PHACTR2: variants seen among roughly 807,000 people sequenced by gnomAD.
PHACTR2 encodes phosphatase and actin regulator 2.
Under a neutral mutation model 76.0 loss-of-function variants are expected in PHACTR2, and 30 were observed. That is an observed-to-expected ratio of 0.39 (90% CI 0.30 to 0.54). The LOEUF is 0.54. Among genes scored for constraint, PHACTR2 ranks in the 20% least tolerant of loss-of-function variants. PHACTR2 has a pLI of 0.61. For synonymous variants in PHACTR2, 292 were observed against 292.5 expected, an observed-to-expected ratio of 1.00 and a Z score of 0.02; for missense variants, 696 against 781.1, an observed-to-expected ratio of 0.89 and a Z score of 1.30.
Position 143,698,012 on chromosome 6 carries a change from A to T in PHACTR2, c.47-14004A>T, listed in dbSNP as rs1389338721. ...AATCATTTTTATGGTTTCTGAAAACATTGGTGAATTGCAACTGGCTATTCT... is the reference window on the plus strand; with the variant it reads ...AATCATTTTTATGGTTTCTGAAAACTTTGGTGAATTGCAACTGGCTATTCT... On this transcript the variant is annotated intron_variant, in intron 1 of 12. Coordinates refer to ENST00000440869, the MANE Select transcript of PHACTR2 (RefSeq NM_001100164.2). The surrounding 1 kb of genome is among the most constrained non-coding windows in gnomAD (Gnocchi z 4.3). Among the ~76,000 whole-genome samples the T allele has an allele frequency of 2.6e-5, 4 of 152,272 alleles. No individual in the cohort carries two copies.
At position 143,689,696 on chromosome 6, in the gene PHACTR2, C is replaced by CTT. The variant is rs35628481; in HGVS notation, c.46+11500_46+11501dup. On this transcript the variant is annotated intron_variant, in intron 1 of 12. Coordinates refer to ENST00000440869, the MANE Select transcript of PHACTR2 (RefSeq NM_001100164.2). This position sits in a 1 kb window ranked among gnomAD's most constrained non-coding sequence, Gnocchi z 4.4. ...TTCCCATTTTCTCATCTTCTCAAGT[C>CTT]TTTTTTTTTTTTTTGAGATGGAGTG... is the stretch of plus-strand genomic sequence containing the variant. 0.062 allele frequency among the ~76,000 whole-genome samples: 8,709 copies of CTT among 139,400 alleles called. 519 individuals are homozygous for CTT. Among genetic ancestry groups the CTT allele is most frequent in the African/African-American group, 0.15 (5,608 of 37,000 alleles). 91.5% of individuals were successfully genotyped at this position (139,400 alleles called of 152,430 possible).
intron 10 of PHACTR2, 78 bp from the exon 11 acceptor site, chr6:143,788,695 T>C: frequency 9.0e-7 from 1 of 1,109,434 alleles, no homozygotes; most frequent in Non-Finnish European, 1.3e-6. Context: ...AACTTTGAAG[T>C]GTTCTCTATA....
At position 143,823,586 on chromosome 6, in the gene PHACTR2, T is replaced by C. The variant is rs1176345812; in HGVS notation, c.1923-88T>C. Reference sequence around the variant, plus strand: ...GGGGGATATCTGGGGTACCTTTTCATTGTAAACATGACCACGCCTTATTCA... The same window carrying C: ...GGGGGATATCTGGGGTACCTTTTCACTGTAAACATGACCACGCCTTATTCA... On this transcript the variant is annotated intron_variant, in intron 12 of 12. Transcript: ENST00000440869. This position sits in a 1 kb window ranked among gnomAD's most constrained non-coding sequence, Gnocchi z 5.7. The C allele has an allele frequency of 3.1e-6, 3 of 963,206 alleles. No individual in the cohort carries two copies. Among genetic ancestry groups the C allele is most frequent in the Non-Finnish European group, 5.0e-6 (3 of 600,878 alleles). 59.7% of individuals were successfully genotyped at this position (963,206 alleles called of 1,614,324 possible). A position where few individuals can be genotyped will look rare whatever the true frequency, so the allele number is the denominator to read the frequency against.
At chr6:143,705,182 G>A (rs1027981028) in intron 1 of PHACTR2, among the ~76,000 whole-genome samples, 31 of 150,786 alleles carry the variant, frequency 2.1e-4, no homozygotes, top group Non-Finnish European at 2.8e-4. Flanking sequence ...AAAGTGGCGC[G>A]ATCTTGGCTC....
Position 143,791,309 on chromosome 6 carries a change from T to C in PHACTR2, c.1845+2399T>C, listed in dbSNP as rs892410034. Among the ~76,000 whole-genome samples the C allele has an allele frequency of 3.9e-5, 6 of 152,218 alleles. No individual in the cohort carries two copies. The highest frequency in any genetic ancestry group is 5.9e-5 in the Non-Finnish European group (4 of 68,044). ...TTCTGTTCTAACCTAAGATAGACTC[T>C]CCAGATCATTAATTTTCATCCTTCC... is the stretch of plus-strand genomic sequence containing the variant. On this transcript the variant is annotated intron_variant, in intron 11 of 12. Transcript: ENST00000440869. This position sits in a 1 kb window ranked among gnomAD's most constrained non-coding sequence, Gnocchi z 4.7.
At chr6:143,770,925 CTTT>C (rs72471881) in intron 6 of PHACTR2, among the ~76,000 whole-genome samples, 9 of 119,210 alleles carry the variant, frequency 7.5e-5, no homozygotes, top group Non-Finnish European at 1.6e-4. Flanking sequence ...TTCTTTCTTT[CTTT>C]TTTTTTTTTT....
chr6:143,678,264 C>A lies in PHACTR2; in HGVS notation c.46+55C>A. 1.4e-6 allele frequency: 2 copies of A among 1,387,198 alleles called. No individual in the cohort carries two copies. Among genetic ancestry groups the A allele is most frequent in the African/African-American group, 1.5e-5 (1 of 65,066 alleles). The allele number at this position is 1,387,198 out of a possible 1,614,324, so 85.9% of individuals were successfully genotyped here. On this transcript the variant is annotated intron_variant, in intron 1 of 12. Coordinates refer to ENST00000440869, the MANE Select transcript of PHACTR2 (RefSeq NM_001100164.2). This position sits in a 1 kb window ranked among gnomAD's most constrained non-coding sequence, Gnocchi z 6.2. ...CGCCGCGCGGGCGCAGGGCTGGCGG[C>A]GGGGCCCCGGGGCAGGCAGGGTTAG...
chr6:143,830,845 A>T lies in PHACTR2; in HGVS notation c.*7156A>T, dbSNP rs527453722. On this transcript the variant is annotated 3_prime_UTR_variant, in exon 13 of 13. Coordinates refer to ENST00000440869, the MANE Select transcript of PHACTR2 (RefSeq NM_001100164.2). ...GAAATCCCCAGTTTTAGTTTGTTCC[A>T]GTTTCTCTTATATTTGGATAGTGCT... 2 of 152,344 alleles carry T rather than the reference A, an allele frequency of 1.3e-5. No homozygotes were observed. Among genetic ancestry groups the T allele is most frequent in the East Asian group, 3.9e-4 (2 of 5,188 alleles). The allele number at this position is 152,344 out of a possible 1,614,324, so 9.4% of individuals were successfully genotyped here.
Position 143,656,083 on chromosome 6 carries a change from T to C in PHACTR2, c.13+47761T>C, listed in dbSNP as rs1489569728. On this transcript the variant is annotated intron_variant, in intron 1 of 11. Coordinates refer to the PHACTR2 transcript ENST00000305766. The surrounding 1 kb of genome is among the most constrained non-coding windows in gnomAD (Gnocchi z 5.3). ...AAAGAAGCATCAGTGGAGGGAAGGG[T>C]AAATCGTGGGATAAAATACACTCAT... Among the ~76,000 whole-genome samples, 2 of 152,102 alleles carry C rather than the reference T, an allele frequency of 1.3e-5. No homozygotes were observed. The highest frequency in any genetic ancestry group is 4.8e-5 in the African/African-American group (2 of 41,428).
intron 2 of PHACTR2, among the ~76,000 whole-genome samples, chr6:143,726,506 A>C (rs942079037): frequency 6.6e-6 from 1 of 152,180 alleles, no homozygotes; most frequent in African/African-American, 2.4e-5. Flanking sequence ...CCCTCATATA[A>C]GTGGACTCAG....
At position 143,824,610 on chromosome 6, in the gene PHACTR2, A is replaced by G. The variant is rs1776496329; in HGVS notation, c.*921A>G. The G allele has an allele frequency of 1.3e-5, 2 of 152,574 alleles. No individual in the cohort carries two copies. The highest frequency in any genetic ancestry group is 2.9e-5 in the Non-Finnish European group (2 of 68,018). The allele number at this position is 152,574 out of a possible 1,614,324, so 9.5% of individuals were successfully genotyped here. A position where few individuals can be genotyped will look rare whatever the true frequency, so the allele number is the denominator to read the frequency against. On this transcript the variant is annotated 3_prime_UTR_variant, in exon 13 of 13. Transcript: ENST00000440869. The surrounding 1 kb of genome is among the most constrained non-coding windows in gnomAD (Gnocchi z 6.3). ...TCCAAAGTCAAAGCAACCATACTTCACCTAGAGAAGACAGTATTGGCAATC... is the reference window on the plus strand; with the variant it reads ...TCCAAAGTCAAAGCAACCATACTTCGCCTAGAGAAGACAGTATTGGCAATC...
At position 143,691,845 on chromosome 6, in the gene PHACTR2, A is replaced by G. The variant is rs1457374677; in HGVS notation, c.46+13636A>G. On this transcript the variant is annotated intron_variant, in intron 1 of 12. Transcript: ENST00000440869. ...AGGAGGCTGAGCCCTTTTCCCTTTT[A>G]GAACTGTAGGCGGCAAATTCTGAAA... 2.6e-5 allele frequency among the ~76,000 whole-genome samples: 4 copies of G among 152,234 alleles called. No individual in the cohort carries two copies. The East Asian group carries it at 7.7e-4, about 29-fold the overall frequency.
chr6:143,572,795 C>T (rs1249756158), intron 1 of PHACTR2, among the ~76,000 whole-genome samples: 1 of 152,170 alleles, frequency 6.6e-6, no homozygotes, highest in Non-Finnish European at 1.5e-5. Flanking sequence ...TCAAGCAATC[C>T]ACCTGCCTCT....
In PHACTR2 at chr6:143,755,757, G is replaced by A. The variant is rs1779283835; in HGVS notation, c.454+1845G>A. Among the ~76,000 whole-genome samples the A allele has an allele frequency of 6.6e-6, 1 of 152,142 alleles. No individual in the cohort carries two copies. The highest frequency in any genetic ancestry group is 6.5e-5 in the Admixed American group (1 of 15,270). On this transcript the variant is annotated intron_variant, in intron 4 of 12. Transcript: ENST00000440869. This position sits in a 1 kb window ranked among gnomAD's most constrained non-coding sequence, Gnocchi z 5.2. ...ACACACCAAAGCCACAAGGAGAAGC[G>A]CTAGGTATAGAAGCCACTTCGTGAG...
At chr6:143,673,653 G>A (rs1403509315), upstream of PHACTR2, among the ~76,000 whole-genome samples, 2 of 152,056 alleles carry the variant, frequency 1.3e-5, no homozygotes, top group Admixed American at 6.6e-5. Context: ...ATGAAATGAA[G>A]TAGAGCAAAA....
rs567090590 is a variant in PHACTR2, at chr6:143,729,113, A to G, written c.214+16930A>G. Among the ~76,000 whole-genome samples, 99 of 152,326 alleles carry G rather than the reference A, an allele frequency of 6.5e-4. 1 individual carries two copies. The highest frequency in any genetic ancestry group is 4.6e-3 in the Admixed American group (70 of 15,306). On this transcript the variant is annotated intron_variant, in intron 2 of 12. Transcript: ENST00000440869. ...TTCATCCAACAATGAACTTCTTTTC[A>G]TGTACGCATCTGCCATCCATATATC...
Position 143,656,990 on chromosome 6 carries a change from G to C in PHACTR2, c.13+48668G>C, listed in dbSNP as rs1340204485. On this transcript the variant is annotated intron_variant, in intron 1 of 11. Coordinates refer to the PHACTR2 transcript ENST00000305766. This position sits in a 1 kb window ranked among gnomAD's most constrained non-coding sequence, Gnocchi z 5.3. ...TTATTTTTTACTTTTCAAAAATTGT[G>C]GTACACACTGCATCTTCTCACTCAT... Among the ~76,000 whole-genome samples, 1 of 151,372 alleles carries C rather than the reference G, an allele frequency of 6.6e-6. No homozygotes were observed.
rs1313729394 is a variant in PHACTR2 at position 143,697,489 on chromosome 6, A to G, written c.47-14527A>G. On this transcript the variant is annotated intron_variant, in intron 1 of 12. Coordinates refer to ENST00000440869, the MANE Select transcript of PHACTR2 (RefSeq NM_001100164.2). The surrounding 1 kb of genome is among the most constrained non-coding windows in gnomAD (Gnocchi z 4.4). Reference sequence around the variant, plus strand: ...ATATAAATTATTCCAGCTGTTTTTCAATTATTTGTCTTTGATGAATTGTCT... The same window carrying G: ...ATATAAATTATTCCAGCTGTTTTTCGATTATTTGTCTTTGATGAATTGTCT... Among the ~76,000 whole-genome samples the G allele has an allele frequency of 6.6e-6, 1 of 152,180 alleles. No homozygotes were observed. Among genetic ancestry groups the G allele is most frequent in the African/African-American group, 2.4e-5 (1 of 41,452 alleles).
intron 1 of PHACTR2, among the ~76,000 whole-genome samples, chr6:143,567,416 T>C (rs1775378919): frequency 6.6e-6 from 1 of 152,214 alleles, no homozygotes; most frequent in Non-Finnish European, 1.5e-5. Context: ...TTACTTATTT[T>C]GAGACAGAGT....
Sources: gnomAD v4.1 joint callset for allele counts (sites outside exome capture counted in the v4.1 genomes callset) on GRCh38, gnomAD v4.1.1 for gene constraint, Gnocchi (gnomAD v3.1) non-coding constraint, MANE v1.5 for transcripts, NCBI Gene and HGNC (gene_info 2026-07-23, HGNC 2026-07-21) for gene names.